Variants in UNC13C observed in about 807,000 individuals in gnomAD.
The protein encoded by UNC13C is protein unc-13 homolog C.
Under a neutral mutation model 245.4 loss-of-function variants are expected in UNC13C, and 174 were observed. The observed-to-expected ratio is 0.71, with a 90% CI of 0.63 to 0.80. The LOEUF (loss-of-function observed/expected upper bound fraction) is 0.80, where lower values mean the gene tolerates loss of function less well. Among genes scored for constraint, UNC13C ranks in the 30% least tolerant of loss-of-function variants. The pLI is 0.00. For synonymous variants in UNC13C, 992 were observed against 895.1 expected (o/e 1.11, Z -1.93); for missense variants, 2,829 against 2,602.9 (o/e 1.09, Z -1.89).
At chr15:53,985,918 T>A (rs1595679870) in intron 1 of UNC13C, among the ~76,000 whole-genome samples, 1 of 152,182 alleles carries the variant, frequency 6.6e-6, no homozygotes, top group East Asian at 1.9e-4. Context: ...CAGCTGATAA[T>A]CTCAACTTTC....
At position 54,308,528 on chromosome 15, in the gene UNC13C, G is replaced by A. The variant is rs76900377; in HGVS notation, c.4268+8155G>A. 3.1e-3 allele frequency among the ~76,000 whole-genome samples: 473 copies of A among 151,780 alleles called. 17 individuals carry two copies. In the East Asian group the frequency reaches 0.066, roughly 21 times the overall value. ...TCATGAGTACACTTCCACGCTGTTA[G>A]CATTTTTCAAGAATACAATGCATTG... On this transcript the variant is annotated intron_variant, in intron 13 of 32. Coordinates refer to ENST00000260323, the MANE Select transcript of UNC13C (RefSeq NM_001080534.3).
At chr15:53,857,758 G>T in the UNC13C span, among the ~76,000 whole-genome samples, 1 of 152,096 alleles carries the variant, frequency 6.6e-6, no homozygotes, top group South Asian at 2.1e-4. Context: ...CTCAAATGTT[G>T]GCAGATGATT....
intron 18 of UNC13C, among the ~76,000 whole-genome samples, chr15:54,405,955 G>C (rs774047595): frequency 6.8e-6 from 1 of 147,824 alleles, no homozygotes; most frequent in Non-Finnish European, 1.5e-5. Context: ...AATTAATACT[G>C]TTAGTTTACA....
At chr15:53,995,590 A>T (rs1894593244) in intron 1 of UNC13C, among the ~76,000 whole-genome samples, 1 of 152,010 alleles carries the variant, frequency 6.6e-6, no homozygotes, top group South Asian at 2.1e-4. Context: ...GAAAGACTTC[A>T]TGTTCTCTCT....
In UNC13C at chr15:54,529,869, ATTTGTTATT is replaced by A. The variant is rs144275701; in HGVS notation, c.5547-3047_5547-3039del. On this transcript the variant is annotated intron_variant, in intron 25 of 32. Transcript: ENST00000260323. ...AGTAGTTTTTCTTGCCTGCCCACAC[ATTTGTTATT>A]ATTACTCCTATTGCTGGAAACATGA... Among the ~76,000 whole-genome samples the A allele has an allele frequency of 6.9e-3, 1,052 of 152,194 alleles. 17 individuals carry two copies. The highest frequency in any genetic ancestry group is 0.024 in the African/African-American group (981 of 41,526).
chr15:54,623,840 G>A lies in UNC13C; in HGVS notation c.6245G>A (p.Arg2082His), dbSNP rs564799376. 9.9e-6 allele frequency: 16 copies of A among 1,612,924 alleles called. No homozygotes were observed. In the African/African-American group the frequency reaches 1.2e-4, roughly 12 times the overall value. ...AACTGGCAGACCACAGCAATGTTCCGCCCCTTTGTGGAAGTTTGTATACTG... is the reference window on the plus strand; with the variant it reads ...AACTGGCAGACCACAGCAATGTTCCACCCCTTTGTGGAAGTTTGTATACTG... ...DLNWQTTAMFRPFVEVCILGP... is the reference protein window; with the variant it reads ...DLNWQTTAMFHPFVEVCILGP... Residue 2082 changes from arginine to histidine, a missense_variant, in exon 32 of 33, where the codon CGC (arginine) becomes CAC (histidine). Physicochemically the swap from Arg to His is conservative, Grantham distance 29. Coordinates refer to ENST00000260323, the MANE Select transcript of UNC13C (RefSeq NM_001080534.3).
At chr15:54,066,159 T>C (rs1898065666) in intron 2 of UNC13C, among the ~76,000 whole-genome samples, 1 of 152,214 alleles carries the variant, frequency 6.6e-6, no homozygotes. Context: ...ATCTCACTTT[T>C]GTGGTGTCAA....
At position 54,108,340 on chromosome 15, in the gene UNC13C, C is replaced by T. The variant is rs111511019; in HGVS notation, c.2984-34678C>T. 4.2e-3 allele frequency among the ~76,000 whole-genome samples: 638 copies of T among 152,256 alleles called. 4 individuals are homozygous for T. Among genetic ancestry groups the T allele is most frequent in the Non-Finnish European group, 6.9e-3 (468 of 68,012 alleles). On this transcript the variant is annotated intron_variant, in intron 2 of 32. Transcript: ENST00000260323. ...TAGCTGGGACTACAGGCGCCCGCCA[C>T]CACGCCTGGCTAATTTTTTTGTATT...
intron 4 of UNC13C, among the ~76,000 whole-genome samples, chr15:54,196,059 C>A (rs2034343104): frequency 6.6e-6 from 1 of 151,976 alleles, no homozygotes; most frequent in African/African-American, 2.4e-5. Flanking sequence ...TGTAGTCATC[C>A]AAGCAGATTA....
intron 4 of UNC13C, among the ~76,000 whole-genome samples, chr15:54,146,571 G>T (rs1465508603): frequency 6.6e-6 from 1 of 152,172 alleles, no homozygotes; most frequent in Non-Finnish European, 1.5e-5. Flanking sequence ...AGGCTCTGGG[G>T]AAAAACTGGA....
intron 31 of UNC13C, among the ~76,000 whole-genome samples, chr15:54,623,394 T>C (rs1566945454): frequency 6.6e-6 from 1 of 152,178 alleles, no homozygotes; most frequent in South Asian, 2.1e-4. Flanking sequence ...TCATTTTGTA[T>C]ATAAAGTAAC....
chr15:54,602,942 T>A (rs1899525038), intron 30 of UNC13C, among the ~76,000 whole-genome samples: 1 of 152,292 alleles, frequency 6.6e-6, no homozygotes, highest in Non-Finnish European at 1.5e-5. Flanking sequence ...GTCTGGAGAC[T>A]GGACTCAGGT....
intron 2 of UNC13C, among the ~76,000 whole-genome samples, chr15:54,022,824 T>C: frequency 6.6e-6 from 1 of 152,066 alleles, no homozygotes; most frequent in East Asian, 1.9e-4. Flanking sequence ...CTTTGAGGAG[T>C]GAAGTGGCCA....
chr15:54,437,366 A>C (rs934492493), intron 19 of UNC13C, among the ~76,000 whole-genome samples: 4 of 151,998 alleles, frequency 2.6e-5, no homozygotes, highest in Admixed American at 2.0e-4. Flanking sequence ...GCTTCAAAGG[A>C]ACTCACTCAA....
intron 22 of UNC13C, among the ~76,000 whole-genome samples, chr15:54,503,264 A>G (rs1024332759): frequency 1.3e-5 from 2 of 152,198 alleles, no homozygotes; most frequent in African/African-American, 4.8e-5. Flanking sequence ...TTCATTGAAA[A>G]AGAAATTCTA....
At chr15:53,897,565 C>T in the UNC13C span, among the ~76,000 whole-genome samples, 1 of 152,154 alleles carries the variant, frequency 6.6e-6, no homozygotes, top group Non-Finnish European at 1.5e-5. Context: ...TAGGCGTGTG[C>T]CATGGAACCT....
At chr15:54,447,766 T>C (rs1890905572) in intron 19 of UNC13C, among the ~76,000 whole-genome samples, 3 of 152,216 alleles carry the variant, frequency 2.0e-5, no homozygotes, top group African/African-American at 7.2e-5. Flanking sequence ...TCTGTGTTGC[T>C]ATCTCCTTCA....
chr15:53,917,398 A>G, the UNC13C span, among the ~76,000 whole-genome samples: 1 of 152,214 alleles, frequency 6.6e-6, no homozygotes, highest in Non-Finnish European at 1.5e-5. Flanking sequence ...TCCCGAAAAA[A>G]AGAAAAGGAA....
chr15:54,035,101 A>G (rs771260108), intron 2 of UNC13C, among the ~76,000 whole-genome samples: 5 of 152,160 alleles, frequency 3.3e-5, no homozygotes, highest in Non-Finnish European at 7.3e-5. Context: ...CTTCAGATAT[A>G]CATTTATAGG....
Sources: gnomAD v4.1 joint callset for allele counts (sites outside exome capture counted in the v4.1 genomes callset) on GRCh38, gnomAD v4.1.1 for gene constraint, MANE v1.5 for transcripts, NCBI Gene and HGNC (gene_info 2026-07-23, HGNC 2026-07-21) for gene names.